PTPN13: variants seen among roughly 807,000 people sequenced by gnomAD.
PTPN13 encodes the protein protein tyrosine phosphatase non-receptor type 13.
A neutral mutation model predicts 284.0 loss-of-function variants in PTPN13; 191 were observed. The ratio of observed to expected loss-of-function variants is 0.67; its 90% CI spans 0.60 to 0.76. PTPN13 has a LOEUF of 0.76. Among genes scored for constraint, PTPN13 ranks in the 30% least tolerant of loss-of-function variants. PTPN13 has a pLI of 0.00. For missense variants in PTPN13, 2,797 were observed against 2,939.9 expected (o/e 0.95, Z 1.12); for synonymous variants, 986 against 1,022.3 (o/e 0.96, Z 0.68).
At chr4:86,699,864 TC>T (rs1291064791) in intron 6 of PTPN13, among the ~76,000 whole-genome samples, 2 of 152,198 alleles carry the variant, frequency 1.3e-5, no homozygotes, top group African/African-American at 4.8e-5. Context: ...GAATATAACA[TC>T]CCTAAAATAC....
In PTPN13 at chr4:86,594,366, C is replaced by T. The variant is rs1763385385; in HGVS notation, c.-429C>T. On this transcript the variant is annotated 5_prime_UTR_variant, in exon 1 of 48. Coordinates refer to ENST00000411767, the MANE Select transcript of PTPN13 (RefSeq NM_080683.3). ...CGAGGGTGACACACCATGCTCACGG[C>T]CCCTGGAGACCGTCGTGCTGGCGAG... The T allele has an allele frequency of 6.6e-6, 1 of 152,298 alleles. No individual in the cohort carries two copies. 9.4% of individuals were successfully genotyped at this position (152,298 alleles called of 1,614,324 possible). A position where few individuals can be genotyped will look rare whatever the true frequency, so the allele number is the denominator to read the frequency against.
rs1738906618 is a variant in PTPN13, at chr4:86,763,192, C to T, written c.4017+2C>T. On this transcript the variant is annotated splice_donor_variant, in intron 24 of 47. Coordinates refer to ENST00000411767, the MANE Select transcript of PTPN13 (RefSeq NM_080683.3). LOFTEE classifies it low-confidence loss of function (GC_TO_GT_DONOR). ...CAGGATCATCAAACACCAAAACAGGCATAGTTTAATTTTAATATTTTGGTT... is the reference window on the plus strand; with the variant it reads ...CAGGATCATCAAACACCAAAACAGGTATAGTTTAATTTTAATATTTTGGTT... 3 of 1,598,002 alleles carry T rather than the reference C, an allele frequency of 1.9e-6. No individual in the cohort carries two copies. The East Asian group carries it at 6.7e-5, about 36-fold the overall frequency.
chr4:86,693,238 AACTT>A (rs1360352107), intron 5 of PTPN13, among the ~76,000 whole-genome samples: 3 of 152,146 alleles, frequency 2.0e-5, no homozygotes, highest in African/African-American at 4.8e-5. Flanking sequence ...ATTATAAACT[AACTT>A]AAGAGTAGTT....
chr4:86,703,113 G>A (rs2149015223), intron 7 of PTPN13, among the ~76,000 whole-genome samples: 2 of 152,090 alleles, frequency 1.3e-5, no homozygotes, highest in Admixed American at 1.3e-4. Context: ...AATTATGGAG[G>A]AAATTATTGA....
Position 86,796,946 on chromosome 4 carries a change from CA to C in PTPN13, c.6401+20del. ...AAGTGAAAGGTGAGAAAATAATTTT[CA>C]AAGTATCCATAATGCTTCTGTCTAT... On this transcript the variant is annotated intron_variant, in intron 41 of 47. Coordinates refer to ENST00000411767, the MANE Select transcript of PTPN13 (RefSeq NM_080683.3). 1 of 1,407,330 alleles carries C rather than the reference CA, an allele frequency of 7.1e-7. No individual in the cohort carries two copies. The allele number at this position is 1,407,330 out of a possible 1,614,324, so 87.2% of individuals were successfully genotyped here. A position where few individuals can be genotyped will look rare whatever the true frequency, so the allele number is the denominator to read the frequency against.
At chr4:86,664,560 G>A (rs1726854649) in intron 2 of PTPN13, among the ~76,000 whole-genome samples, 1 of 152,112 alleles carries the variant, frequency 6.6e-6, no homozygotes, top group Non-Finnish European at 1.5e-5. Context: ...TAATGGCATT[G>A]TACCTGATCT....
In PTPN13 at chr4:86,805,373, A is replaced by G; in HGVS notation, c.6745+4A>G. The G allele has an allele frequency of 6.4e-7, 1 of 1,560,144 alleles. No homozygotes were observed. Among genetic ancestry groups the G allele is most frequent in the African/African-American group, 1.4e-5 (1 of 73,448 alleles). Reference sequence around the variant, plus strand: ...AGATATAAAAATATACTTCCCTGTAAGTTCCAGTTTGGCTTCAGATTTAAT... The same window carrying G: ...AGATATAAAAATATACTTCCCTGTAGGTTCCAGTTTGGCTTCAGATTTAAT... On this transcript the variant is annotated splice_donor_region_variant and intron_variant, in intron 44 of 47. Coordinates refer to ENST00000411767, the MANE Select transcript of PTPN13 (RefSeq NM_080683.3).
chr4:86,793,711 C>T (rs1310540073), intron 40 of PTPN13, among the ~76,000 whole-genome samples: 3 of 152,128 alleles, frequency 2.0e-5, no homozygotes, highest in Non-Finnish European at 4.4e-5. Flanking sequence ...TACTCAAAAC[C>T]ACACAACTAC....
At chr4:86,611,135 C>T (rs938729012) in intron 1 of PTPN13, among the ~76,000 whole-genome samples, 4 of 152,110 alleles carry the variant, frequency 2.6e-5, no homozygotes, top group African/African-American at 7.2e-5. Flanking sequence ...GCTTCTCCCA[C>T]GATTATTATT....
At chr4:86,640,695 C>A (rs1241928654) in intron 2 of PTPN13, among the ~76,000 whole-genome samples, 10 of 152,126 alleles carry the variant, frequency 6.6e-5, no homozygotes, top group Non-Finnish European at 1.3e-4. Flanking sequence ...ATCTTGCATA[C>A]TGTAAGTACC....
Position 86,704,001 on chromosome 4 carries a change from C to T in PTPN13, c.1195+2200C>T, listed in dbSNP as rs189987707. On this transcript the variant is annotated intron_variant, in intron 7 of 47. Coordinates refer to ENST00000411767, the MANE Select transcript of PTPN13 (RefSeq NM_080683.3). ...CAGCCTCACCAACATGGAGAAACCC[C>T]GTCTTTACTGAAAAAAAAATACAAA... 1.1e-3 allele frequency among the ~76,000 whole-genome samples: 167 copies of T among 151,292 alleles called. 1 individual carries two copies. The highest frequency in any genetic ancestry group is 3.6e-3 in the African/African-American group (150 of 41,198).
At chr4:86,779,063 TA>T (rs58996030) in intron 35 of PTPN13, among the ~76,000 whole-genome samples, 879 of 132,310 alleles carry the variant, frequency 6.6e-3, no homozygotes, top group Middle Eastern at 7.7e-3. Context: ...AATGTTTCTT[TA>T]AAAAAAAAAA....
In PTPN13 at chr4:86,807,897, G is replaced by C. The variant is rs1744823837; in HGVS notation, c.7083G>C (p.Gln2361His). 1 of 1,602,028 alleles carries C rather than the reference G, an allele frequency of 6.2e-7. No individual in the cohort carries two copies. Among genetic ancestry groups the C allele is most frequent in the African/African-American group, 1.3e-5 (1 of 74,558 alleles). ...VVRAMTLEDI[Q>H]TREVRHISHL... is the part of the protein sequence containing the mutation. ...GGGCAATGACCCTTGAAGATATTCA[G>C]GTAAGTGAATGAAATCTTTCCCTGT... is the stretch of plus-strand genomic sequence containing the variant. The change falls in exon 45 of 48, where the codon CAG becomes CAC. Residue 2361 changes from glutamine (Q) to histidine (H), a missense_variant and splice_region_variant. Coordinates refer to ENST00000411767, the MANE Select transcript of PTPN13 (RefSeq NM_080683.3).
intron 41 of PTPN13, among the ~76,000 whole-genome samples, chr4:86,797,578 G>A (rs1480153121): frequency 6.6e-6 from 1 of 151,886 alleles, no homozygotes; most frequent in Non-Finnish European, 1.5e-5. Flanking sequence ...TTATACTATT[G>A]CTTCAAGAAA....
chr4:86,678,155 G>T (rs1381603773), intron 3 of PTPN13, among the ~76,000 whole-genome samples: 1 of 152,050 alleles, frequency 6.6e-6, no homozygotes, highest in Non-Finnish European at 1.5e-5. Flanking sequence ...AAATATAAAA[G>T]GTAATGTGTT....
intron 17 of PTPN13, 30 bp from the exon 18 acceptor site, chr4:86,750,440 A>G (rs1192323589): frequency 6.4e-7 from 1 of 1,560,368 alleles, no homozygotes; most frequent in Non-Finnish European, 8.7e-7. Context: ...TGGCGTTACC[A>G]TCATGTAAAG....
chr4:86,681,789 A>G (rs868792828), intron 3 of PTPN13, among the ~76,000 whole-genome samples: 21 of 152,200 alleles, frequency 1.4e-4, no homozygotes, highest in African/African-American at 4.6e-4. Flanking sequence ...TTAGCTGGGC[A>G]TGGTGGCAGG....
intron 9 of PTPN13, among the ~76,000 whole-genome samples, chr4:86,719,624 T>C (rs1297224776): frequency 6.6e-6 from 1 of 152,210 alleles, no homozygotes; most frequent in African/African-American, 2.4e-5. Context: ...CTCTGCAACC[T>C]CGTCAGCATC....
At chr4:86,650,618 A>T (rs1019106747) in intron 2 of PTPN13, among the ~76,000 whole-genome samples, 1 of 152,142 alleles carries the variant, frequency 6.6e-6, no homozygotes, top group Non-Finnish European at 1.5e-5. Context: ...TATAGTTTTA[A>T]TTGTAGAGAT....
Sources: gnomAD v4.1 joint callset for allele counts (sites outside exome capture counted in the v4.1 genomes callset) on GRCh38, gnomAD v4.1.1 for gene constraint, MANE v1.5 for transcripts, NCBI Gene and HGNC (gene_info 2026-07-23, HGNC 2026-07-21) for gene names.